The following PIGB variants were observed in gnomAD, a reference collection of about 807,000 sequenced individuals.
PIGB encodes GPI alpha-1,2-mannosyltransferase 3.
In PIGB, 58 loss-of-function variants were observed where a neutral mutation model predicts 68.4. The ratio of observed to expected loss-of-function variants is 0.85; its 90% CI spans 0.69 to 1.06. The LOEUF (loss-of-function observed/expected upper bound fraction) is 1.06, where lower values mean the gene tolerates loss of function less well. Among genes scored for constraint, PIGB ranks in the 50% least tolerant of loss-of-function variants. PIGB has a pLI of 0.00. For synonymous variants in PIGB, 219 were observed against 220.5 expected, an observed-to-expected ratio of 0.99 and a Z score of 0.06; for missense variants, 634 against 655.8, an observed-to-expected ratio of 0.97 and a Z score of 0.36.
In PIGB at chr15:55,334,002, T is replaced by G. The variant is rs1156229389; in HGVS notation, c.789T>G (p.Pro263=). Residue 263 remains proline (P), a synonymous_variant, in exon 6 of 12, where the codon CCT becomes CCG. Coordinates refer to ENST00000164305, the MANE Select transcript of PIGB (RefSeq NM_004855.5). ...KLDLILHHFL[P]VGFVTLSLSL... is the part of the protein sequence containing the mutation. ...ATCTTATTCTACATCATTTTTTACC[T>G]GTAGGGTAAGTGTGGCAATAATCCA... is the stretch of plus-strand genomic sequence containing the variant. 2 of 1,596,248 alleles carry G rather than the reference T, an allele frequency of 1.3e-6. No homozygotes were observed. Among genetic ancestry groups the G allele is most frequent in the East Asian group, 2.3e-5 (1 of 44,166 alleles).
intron 5 of PIGB, among the ~76,000 whole-genome samples, chr15:55,331,209 C>A (rs2055405904): frequency 6.6e-6 from 1 of 152,162 alleles, no homozygotes; most frequent in African/African-American, 2.4e-5. Context: ...TCCATTAAAT[C>A]TCATTGTCTC....
At chr15:55,329,919 C>A in intron 5 of PIGB, 65 bp downstream of exon 5, 1 of 1,242,264 alleles carries the variant, frequency 8.0e-7, no homozygotes, top group Non-Finnish European at 1.1e-6. Flanking sequence ...TAAATATCAA[C>A]ATATTGTAAT....
intron 10 of PIGB, among the ~76,000 whole-genome samples, chr15:55,352,912 A>T (rs191365917): frequency 1.8e-4 from 28 of 152,360 alleles, no homozygotes; most frequent in Non-Finnish European, 3.8e-4. Context: ...CTATTTAACT[A>T]ATCATTAATG....
chr15:55,347,358 T>G (rs1335511228), intron 9 of PIGB, among the ~76,000 whole-genome samples: 1 of 152,066 alleles, frequency 6.6e-6, no homozygotes, highest in Non-Finnish European at 1.5e-5. Flanking sequence ...ACCCAGGAGG[T>G]GGAGGTTGCA....
At chr15:55,322,721 G>A (rs1484040625) in intron 3 of PIGB, among the ~76,000 whole-genome samples, 5 of 152,158 alleles carry the variant, frequency 3.3e-5, no homozygotes, top group Non-Finnish European at 5.9e-5. Context: ...CAGTGAAACC[G>A]ATGCTTCAAA....
At chr15:55,349,465 A>G (rs995358949) in intron 9 of PIGB, 6 of 152,170 alleles carry the variant, frequency 3.9e-5, no homozygotes, top group African/African-American at 1.4e-4. Flanking sequence ...AGTTCTAATT[A>G]TCATTCCTTT....
intron 3 of PIGB, among the ~76,000 whole-genome samples, chr15:55,325,457 CTTTTT>C (rs201484645): frequency 2.6e-5 from 4 of 151,232 alleles, no homozygotes; most frequent in Admixed American, 6.6e-5. Flanking sequence ...ACTATGACAC[CTTTTT>C]TTTTAACTCT....
intron 6 of PIGB, 30 bp from the exon 7 acceptor site, chr15:55,339,237 G>A (rs1437765539): frequency 1.3e-6 from 2 of 1,510,222 alleles, no homozygotes; most frequent in Non-Finnish European, 1.8e-6. Context: ...AGCTCCAAAT[G>A]TGAATCACTA....
chr15:55,340,755 C>T lies in PIGB; in HGVS notation c.990C>T (p.Gly330=), dbSNP rs756485094. Residue 330 remains glycine, a synonymous_variant, in exon 8 of 12, where the codon GGC becomes GGT. Transcript: ENST00000164305. ...LGTHLPFFIH[G]CYLAPKRYRI... ...CTCACTTACCCTTCTTTATTCATGG[C>T]TGCTATCTAGCACCAAAGAGATACC... 4 of 1,611,152 alleles carry T rather than the reference C, an allele frequency of 2.5e-6. No homozygotes were observed. The Admixed American group carries it at 5.0e-5, about 20-fold the overall frequency.
chr15:55,351,935 A>G (rs968585105), intron 10 of PIGB: 4 of 144,226 alleles, frequency 2.8e-5, no homozygotes, highest in Non-Finnish European at 5.9e-5. Context: ...TATTGCCCTC[A>G]TCTTAAACTA....
intron 4 of PIGB, among the ~76,000 whole-genome samples, chr15:55,328,959 G>GA (rs949423637): frequency 1.2e-4 from 18 of 149,790 alleles, no homozygotes; most frequent in African/African-American, 4.4e-4. Context: ...CCTTCTCGAA[G>GA]AAAAAAAAAG....
chr15:55,347,156 G>A (rs1466327896), intron 9 of PIGB, among the ~76,000 whole-genome samples: 2 of 152,256 alleles, frequency 1.3e-5, no homozygotes, highest in Non-Finnish European at 2.9e-5. Context: ...AGTTCTGGCT[G>A]GGCGCTGTGG....
At chr15:55,331,973 TTTTTA>T (rs1190507089) in intron 5 of PIGB, among the ~76,000 whole-genome samples, 8 of 152,152 alleles carry the variant, frequency 5.3e-5, no homozygotes, top group East Asian at 1.9e-4. Context: ...ACATTTCTCA[TTTTTA>T]TTTTATTTTT....
intron 9 of PIGB, chr15:55,349,448 TAAAG>T (rs1435377233): frequency 3.3e-5 from 5 of 152,222 alleles, no homozygotes; most frequent in African/African-American, 1.2e-4. Flanking sequence ...TTATTTCAAA[TAAAG>T]CTAGTTCTAA....
intron 6 of PIGB, among the ~76,000 whole-genome samples, chr15:55,334,606 T>C (rs896338175): frequency 3.9e-5 from 6 of 152,226 alleles, no homozygotes; most frequent in Non-Finnish European, 7.3e-5. Flanking sequence ...CTTTTTAATA[T>C]ACAATCATGC....
intron 3 of PIGB, among the ~76,000 whole-genome samples, chr15:55,322,730 A>G (rs1205997932): frequency 1.3e-5 from 2 of 152,192 alleles, no homozygotes; most frequent in Non-Finnish European, 2.9e-5. Context: ...CGATGCTTCA[A>G]ATGGGAAGAT....
chr15:55,320,213 G>C (rs890139280), intron 1 of PIGB, 62 bp from the exon 2 acceptor site: 1 of 1,542,630 alleles, frequency 6.5e-7, no homozygotes, highest in Middle Eastern at 1.8e-4. Context: ...CAGATTTTAA[G>C]TTTTGCAAGT....
chr15:55,335,333 T>G (rs2055510139), intron 6 of PIGB, among the ~76,000 whole-genome samples: 2 of 152,226 alleles, frequency 1.3e-5, no homozygotes, highest in South Asian at 4.1e-4. Context: ...ATCTTGCATC[T>G]CAGTTGCTAC....
chr15:55,345,561 C>T (rs2055773857), intron 9 of PIGB, among the ~76,000 whole-genome samples: 1 of 152,150 alleles, frequency 6.6e-6, no homozygotes, highest in South Asian at 2.1e-4. Flanking sequence ...GAGTTCAAGA[C>T]CAGCCTGGCC....
Sources: allele counts gnomAD v4.1 joint callset (sites outside exome capture counted in the v4.1 genomes callset), GRCh38; gene constraint gnomAD v4.1.1; transcripts MANE v1.5; gene names NCBI Gene and HGNC (gene_info 2026-07-23, HGNC 2026-07-21).